L3MBTL4: variants seen among roughly 807,000 people sequenced by gnomAD.
The protein encoded by L3MBTL4 is L3MBTL histone methyl-lysine binding protein 4, also known as lethal(3)malignant brain tumor-like protein 4.
In L3MBTL4, 70 loss-of-function variants were observed where a neutral mutation model predicts 84.5. The ratio of observed to expected loss-of-function variants is 0.83; its 90% CI spans 0.68 to 1.01. The LOEUF (loss-of-function observed/expected upper bound fraction) is 1.01. L3MBTL4 is among the 50% of genes least tolerant of loss of function. The probability of loss-of-function intolerance (pLI) is 0.00; values close to 1 mark genes in which losing one functional copy is unlikely to be tolerated. For missense variants in L3MBTL4, 715 were observed against 754.8 expected, an observed-to-expected ratio of 0.95 and a Z score of 0.62; for synonymous variants, 274 against 259.8, an observed-to-expected ratio of 1.05 and a Z score of -0.52.
At chr18:6,131,900 T>G (rs1298622236) in intron 14 of L3MBTL4, among the ~76,000 whole-genome samples, 1 of 152,200 alleles carries the variant, frequency 6.6e-6, no homozygotes, top group Non-Finnish European at 1.5e-5. Context: ...GATATCAATT[T>G]TTTACAGTTA....
chr18:6,005,271 G>A (rs547664685), intron 16 of L3MBTL4, among the ~76,000 whole-genome samples: 11 of 151,772 alleles, frequency 7.2e-5, no homozygotes, highest in South Asian at 2.1e-4. Flanking sequence ...GCTTGAACCC[G>A]GGAGGCAGAG....
At chr18:6,204,827 G>A (rs8090849) in intron 12 of L3MBTL4, among the ~76,000 whole-genome samples, 1,974 of 152,314 alleles carry the variant, frequency 0.013, 41 homozygotes, top group African/African-American at 0.046. Flanking sequence ...TAGATGGTCA[G>A]GGCAGGTTCC....
chr18:6,366,977 A>T (rs2053962388), intron 1 of L3MBTL4, among the ~76,000 whole-genome samples: 7 of 152,184 alleles, frequency 4.6e-5, no homozygotes, highest in Admixed American at 4.6e-4. Context: ...CAGTGACCTG[A>T]CTCACCGAAC....
At chr18:6,303,764 C>T (rs1674474055) in intron 3 of L3MBTL4, among the ~76,000 whole-genome samples, 2 of 152,022 alleles carry the variant, frequency 1.3e-5, no homozygotes, top group African/African-American at 4.8e-5. Context: ...AAATAGACTG[C>T]ACATTTGGAA....
intron 13 of L3MBTL4, among the ~76,000 whole-genome samples, chr18:6,166,420 A>G (rs1197291426): frequency 6.6e-6 from 1 of 152,228 alleles, no homozygotes; most frequent in East Asian, 1.9e-4. Flanking sequence ...TTGACCACAT[A>G]GTTGGAAGTA....
At chr18:6,142,021 A>C (rs981454489) in intron 13 of L3MBTL4, among the ~76,000 whole-genome samples, 1 of 152,234 alleles carries the variant, frequency 6.6e-6, no homozygotes, top group Non-Finnish European at 1.5e-5. Context: ...GCATGCTGGC[A>C]AGAACATTCC....
At chr18:6,337,999 T>C (rs560574921) in intron 1 of L3MBTL4, among the ~76,000 whole-genome samples, 1 of 152,196 alleles carries the variant, frequency 6.6e-6, no homozygotes, top group Middle Eastern at 3.4e-3. Context: ...TAGAATGGCC[T>C]TGTTAAAGTG....
Position 6,121,722 on chromosome 18 carries a change from G to GTGTGTGTGTA in L3MBTL4, c.1199+16471_1199+16472insTACACACACA, listed in dbSNP as rs1555660826. Among the ~76,000 whole-genome samples the GTGTGTGTGTA allele has an allele frequency of 1.1e-3, 152 of 143,688 alleles. No individual in the cohort carries two copies. The East Asian group carries it at 0.011, about 10-fold the overall frequency. The allele number at this position is 143,688 out of a possible 152,430, so 94.3% of individuals were successfully genotyped here. On this transcript the variant is annotated intron_variant, in intron 14 of 18. Transcript: ENST00000317931. ...TGTGTGTGTGTGTGTGTGTGTGTAT[G>GTGTGTGTGTA]TGTGTGTGCATGTTTGTATTTTGGA...
In L3MBTL4 at chr18:6,139,761, G is replaced by T. The variant is rs545051401; in HGVS notation, c.1097-1465C>A. Among the ~76,000 whole-genome samples the T allele has an allele frequency of 4.6e-5, 7 of 152,164 alleles. No individual in the cohort carries two copies. In the South Asian group the frequency reaches 1.5e-3, roughly 32 times the overall value. ...ATGGCTTCCCACAGCCCTCCACAGGGGTCACATGCCTCCAGAGAGGCAGGG... is the reference window on the plus strand; with the variant it reads ...ATGGCTTCCCACAGCCCTCCACAGGTGTCACATGCCTCCAGAGAGGCAGGG... On this transcript the variant is annotated intron_variant, in intron 13 of 18. Coordinates refer to ENST00000317931, the MANE Select transcript of L3MBTL4 (RefSeq NM_001330559.2).
At chr18:6,289,066 T>C (rs2049724769) in intron 4 of L3MBTL4, among the ~76,000 whole-genome samples, 1 of 152,024 alleles carries the variant, frequency 6.6e-6, no homozygotes, top group African/African-American at 2.4e-5. Flanking sequence ...TAGTAAGTTG[T>C]TGTCCTAAGA....
At chr18:6,082,018 G>C (rs935614482) in intron 15 of L3MBTL4, among the ~76,000 whole-genome samples, 1 of 152,144 alleles carries the variant, frequency 6.6e-6, no homozygotes, top group Non-Finnish European at 1.5e-5. Flanking sequence ...GGGCAATGCA[G>C]AGACAGTACA....
At chr18:6,012,249 A>T (rs932011916) in intron 16 of L3MBTL4, among the ~76,000 whole-genome samples, 2 of 152,136 alleles carry the variant, frequency 1.3e-5, no homozygotes, top group African/African-American at 4.8e-5. Context: ...TTATCCTAAG[A>T]GCTGTCAGGG....
intron 13 of L3MBTL4, among the ~76,000 whole-genome samples, chr18:6,149,579 G>C (rs1203138399): frequency 6.6e-6 from 1 of 152,028 alleles, no homozygotes; most frequent in Non-Finnish European, 1.5e-5. Flanking sequence ...TGGGATGACT[G>C]GGTCAAATGG....
chr18:6,112,675 CTTAAAATACAATAAAAGTATAAG>C (rs1345260775), intron 14 of L3MBTL4, among the ~76,000 whole-genome samples: 1 of 152,080 alleles, frequency 6.6e-6, no homozygotes, highest in African/African-American at 2.4e-5. Context: ...TCCAGCAATA[CTTAAAATACAATAAAAGTATAAG>C]TTACATTTAA....
At chr18:5,994,932 G>T (rs937641133) in intron 16 of L3MBTL4, among the ~76,000 whole-genome samples, 2 of 152,096 alleles carry the variant, frequency 1.3e-5, no homozygotes, top group Admixed American at 6.5e-5. Context: ...AATTATTCAG[G>T]GTGTTTTATC....
At chr18:6,207,182 G>A (rs1227177313) in intron 12 of L3MBTL4, among the ~76,000 whole-genome samples, 1 of 152,172 alleles carries the variant, frequency 6.6e-6, no homozygotes, top group Non-Finnish European at 1.5e-5. Flanking sequence ...TATTGTCTCT[G>A]GCTGTTTTTG....
chr18:6,196,997 G>A (rs1365884193), intron 12 of L3MBTL4, among the ~76,000 whole-genome samples: 1 of 152,200 alleles, frequency 6.6e-6, no homozygotes, highest in Non-Finnish European at 1.5e-5. Flanking sequence ...AAAAGGCAAG[G>A]CCAAGCAGGG....
intron 1 of L3MBTL4, among the ~76,000 whole-genome samples, chr18:6,324,114 G>C (rs562635639): frequency 6.6e-6 from 1 of 151,712 alleles, no homozygotes; most frequent in African/African-American, 2.4e-5. Context: ...AGCCTTGGCA[G>C]CTTCCACATG....
chr18:6,178,964 G>A (rs2044345867), intron 12 of L3MBTL4, among the ~76,000 whole-genome samples: 1 of 152,138 alleles, frequency 6.6e-6, no homozygotes, highest in Non-Finnish European at 1.5e-5. Context: ...GTGTCTCACA[G>A]ATTTTAAAGG....
Sources: allele counts gnomAD v4.1 joint callset (sites outside exome capture counted in the v4.1 genomes callset), GRCh38; gene constraint gnomAD v4.1.1; transcripts MANE v1.5; gene names NCBI Gene and HGNC (gene_info 2026-07-23, HGNC 2026-07-21).